Variants in DGKB observed in about 807,000 individuals in gnomAD.
The protein encoded by DGKB is 90 kDa diacylglycerol kinase.
DGKB carries 67 observed loss-of-function variants against 114.3 expected under a neutral mutation model. That is an observed-to-expected ratio of 0.59 (90% CI 0.48 to 0.72). The LOEUF is 0.72. Among genes scored for constraint, DGKB ranks in the 30% least tolerant of loss-of-function variants. The pLI is 0.00. For missense variants in DGKB, 907 were observed against 975.2 expected, an observed-to-expected ratio of 0.93 and a Z score of 0.93; for synonymous variants, 398 against 323.1, an observed-to-expected ratio of 1.23 and a Z score of -2.49.
chr7:14,939,356 G>A (rs573037278), intron 1 of DGKB, among the ~76,000 whole-genome samples: 11 of 152,120 alleles, frequency 7.2e-5, no homozygotes, highest in South Asian at 6.2e-4. Context: ...AGTGCTTATC[G>A]CATTATCAAA....
At chr7:14,711,801 T>A (rs1323758998) in intron 6 of DGKB, among the ~76,000 whole-genome samples, 1 of 152,058 alleles carries the variant, frequency 6.6e-6, no homozygotes, top group African/African-American at 2.4e-5. Flanking sequence ...AAAAGTGAAA[T>A]GAAAGGAATT....
At chr7:14,898,311 T>G (rs217594) in intron 1 of DGKB, among the ~76,000 whole-genome samples, 152,098 of 152,098 alleles carry the variant, frequency 1, 76,049 homozygotes, top group Non-Finnish European at 1. Context: ...ATAAGCCAGT[T>G]GTGGTTAATA....
chr7:14,503,463 A>G (rs941135398), intron 20 of DGKB, among the ~76,000 whole-genome samples: 1 of 152,100 alleles, frequency 6.6e-6, no homozygotes, highest in African/African-American at 2.4e-5. Context: ...TTATATCATG[A>G]TCTATATTTT....
chr7:14,721,220 T>G (rs1829112308), intron 5 of DGKB, among the ~76,000 whole-genome samples: 1 of 152,244 alleles, frequency 6.6e-6, no homozygotes, highest in Non-Finnish European at 1.5e-5. Flanking sequence ...ATTTAGAACA[T>G]GGCATGACCA....
At chr7:14,585,868 A>T (rs1406331285) in intron 17 of DGKB, among the ~76,000 whole-genome samples, 3 of 152,096 alleles carry the variant, frequency 2.0e-5, no homozygotes, top group Middle Eastern at 3.2e-3. Flanking sequence ...GGTGCCATGA[A>T]CCACGCCCAT....
chr7:14,626,015 A>G (rs1200180106), intron 14 of DGKB, among the ~76,000 whole-genome samples: 1 of 152,172 alleles, frequency 6.6e-6, no homozygotes, highest in East Asian at 1.9e-4. Flanking sequence ...AACAGAGAAG[A>G]AAAGCCAAAA....
In DGKB at chr7:14,211,366, CTCTCGTGTTTTGTGATTTTACTCTCATGT is replaced by C. The variant is rs1562627881; in HGVS notation, c.2123-33244_2123-33216del. ...TTACTCTCATGTTTTGTGATATTTA[CTCTCGTGTTTTGTGATTTTACTCTCATGT>C]TTTGTGATATTTACTCTCATGTTTT... On this transcript the variant is annotated intron_variant, in intron 23 of 25. Transcript: ENST00000402815. 1.0e-4 allele frequency among the ~76,000 whole-genome samples: 11 copies of C among 106,452 alleles called. 2 individuals carry two copies. Among genetic ancestry groups the C allele is most frequent in the Admixed American group, 7.4e-4 (7 of 9,424 alleles). 69.8% of individuals were successfully genotyped at this position (106,452 alleles called of 152,430 possible). A position where few individuals can be genotyped will look rare whatever the true frequency, so the allele number is the denominator to read the frequency against.
At position 14,197,960 on chromosome 7, in the gene DGKB, G is replaced by A. The variant is rs189538330; in HGVS notation, c.2123-19809C>T. ...GTGTGAAATAGATTGATCTGCCCAA[G>A]GGAAATGAGTCTGGGGACTCATTTT... On this transcript the variant is annotated intron_variant, in intron 23 of 25. Transcript: ENST00000402815. Among the ~76,000 whole-genome samples, 378 of 152,156 alleles carry A rather than the reference G, an allele frequency of 2.5e-3. 1 individual carries two copies. Among genetic ancestry groups the A allele is most frequent in the African/African-American group, 7.9e-3 (330 of 41,542 alleles).
At chr7:14,213,929 G>T (rs927811938) in intron 23 of DGKB, among the ~76,000 whole-genome samples, 1 of 152,054 alleles carries the variant, frequency 6.6e-6, no homozygotes, top group African/African-American at 2.4e-5. Context: ...ATTTCAGTTT[G>T]CATTTCCCTA....
intron 4 of DGKB, among the ~76,000 whole-genome samples, chr7:14,737,069 G>A (rs990005735): frequency 7.2e-5 from 11 of 152,122 alleles, no homozygotes; most frequent in Non-Finnish European, 2.9e-5. Flanking sequence ...AAAACTCCTC[G>A]TTTTGGACTG....
At chr7:14,922,836 C>T (rs1784575403) in intron 1 of DGKB, among the ~76,000 whole-genome samples, 1 of 149,094 alleles carries the variant, frequency 6.7e-6, no homozygotes, top group South Asian at 2.1e-4. Context: ...CCCATCACTT[C>T]ACCAACTCAT....
intron 2 of DGKB, among the ~76,000 whole-genome samples, chr7:14,762,735 G>A (rs990780681): frequency 5.9e-5 from 9 of 152,008 alleles, no homozygotes; most frequent in East Asian, 1.9e-4. Context: ...ATGAAGTAAC[G>A]GAGAGATTTA....
At chr7:14,812,490 C>T (rs889883321) in intron 2 of DGKB, among the ~76,000 whole-genome samples, 2 of 152,016 alleles carry the variant, frequency 1.3e-5, no homozygotes, top group Non-Finnish European at 2.9e-5. Context: ...TTTTCTGCCC[C>T]TTATTTTCTA....
intron 12 of DGKB, 29 bp from the exon 13 acceptor site, chr7:14,673,056 A>C (rs763897413): frequency 2.2e-6 from 3 of 1,354,048 alleles, no homozygotes; most frequent in Non-Finnish European, 3.1e-6. Flanking sequence ...GGATAGTATC[A>C]AATTCTACAT....
At chr7:14,427,996 G>A (rs970760392) in intron 21 of DGKB, among the ~76,000 whole-genome samples, 2 of 151,780 alleles carry the variant, frequency 1.3e-5, no homozygotes, top group Non-Finnish European at 2.9e-5. Flanking sequence ...GTTTCTACCA[G>A]CACATCAATT....
intron 23 of DGKB, among the ~76,000 whole-genome samples, chr7:14,307,345 T>C (rs1804653741): frequency 6.6e-6 from 1 of 152,166 alleles, no homozygotes; most frequent in Non-Finnish European, 1.5e-5. Context: ...AAGTCTTTCA[T>C]AGAAAAGGAT....
intron 20 of DGKB, among the ~76,000 whole-genome samples, chr7:14,537,073 A>G (rs1792628836): frequency 6.6e-6 from 1 of 152,080 alleles, no homozygotes; most frequent in Non-Finnish European, 1.5e-5. Flanking sequence ...TTACAATATC[A>G]CCAAAAAGAA....
chr7:14,739,679 T>C (rs1239327177), intron 4 of DGKB, among the ~76,000 whole-genome samples: 3 of 152,142 alleles, frequency 2.0e-5, no homozygotes, highest in Admixed American at 6.5e-5. Context: ...CAAGAATCTC[T>C]TTCACTTTCG....
chr7:14,817,452 C>T (rs1053733240), intron 2 of DGKB, among the ~76,000 whole-genome samples: 13 of 151,816 alleles, frequency 8.6e-5, no homozygotes, highest in East Asian at 5.8e-4. Context: ...CAAACAAAAC[C>T]AAATAGAAAT....
Sources: gnomAD v4.1 joint callset for allele counts (sites outside exome capture counted in the v4.1 genomes callset) on GRCh38, gnomAD v4.1.1 for gene constraint, MANE v1.5 for transcripts, NCBI Gene and HGNC (gene_info 2026-07-23, HGNC 2026-07-21) for gene names.